Variants in CDH12 observed in about 807,000 individuals in gnomAD.
The protein encoded by CDH12 is cadherin 12, also known as cadherin-12.
In CDH12, 41 loss-of-function variants were observed where a neutral mutation model predicts 74.1. The ratio of observed to expected loss-of-function variants is 0.55; its 90% CI spans 0.43 to 0.72. The LOEUF (loss-of-function observed/expected upper bound fraction) is 0.72, where lower values mean the gene tolerates loss of function less well. Ranked by LOEUF, CDH12 falls within the 30% of genes least tolerant of loss-of-function variation. The pLI, the probability that CDH12 is intolerant of heterozygous loss-of-function variation, is 0.00. For synonymous variants in CDH12, 399 were observed against 355.0 expected, an observed-to-expected ratio of 1.12 and a Z score of -1.39; for missense variants, 945 against 977.2, an observed-to-expected ratio of 0.97 and a Z score of 0.44.
intron 3 of CDH12, among the ~76,000 whole-genome samples, chr5:22,340,252 T>C (rs571437742): frequency 9.2e-5 from 14 of 152,222 alleles, no homozygotes; most frequent in East Asian, 7.8e-4. Flanking sequence ...CTGGGCTGGG[T>C]GCCGTGGCTC....
chr5:22,283,022 A>T (rs1377105737), intron 3 of CDH12, among the ~76,000 whole-genome samples: 3 of 152,044 alleles, frequency 2.0e-5, no homozygotes, highest in African/African-American at 7.2e-5. Context: ...GGATTAAGAA[A>T]ATGTTACACA....
intron 6 of CDH12, among the ~76,000 whole-genome samples, chr5:21,875,940 T>C (rs111737947): frequency 7.0e-6 from 1 of 143,678 alleles, no homozygotes; most frequent in Non-Finnish European, 1.5e-5. Flanking sequence ...TCTCTCTCCA[T>C]GCTGGAGTGC....
At chr5:22,096,630 T>C (rs1038235660) in intron 4 of CDH12, among the ~76,000 whole-genome samples, 1 of 152,040 alleles carries the variant, frequency 6.6e-6, no homozygotes, top group African/African-American at 2.4e-5. Flanking sequence ...TGCCCAGCAA[T>C]TTCCTCTTTA....
At chr5:22,255,901 A>T (rs1237967242) in intron 3 of CDH12, among the ~76,000 whole-genome samples, 1 of 152,122 alleles carries the variant, frequency 6.6e-6, no homozygotes, top group Non-Finnish European at 1.5e-5. Flanking sequence ...AGAAAAAGTA[A>T]ATAGGTAACC....
chr5:22,617,927 A>T (rs1737770619), intron 1 of CDH12, among the ~76,000 whole-genome samples: 1 of 152,146 alleles, frequency 6.6e-6, no homozygotes, highest in South Asian at 2.1e-4. Flanking sequence ...GGTAATAACA[A>T]TAACTAATAT....
chr5:22,633,584 C>A (rs1326676491), intron 1 of CDH12, among the ~76,000 whole-genome samples: 1 of 152,056 alleles, frequency 6.6e-6, no homozygotes, highest in Non-Finnish European at 1.5e-5. Flanking sequence ...TGGGCCTCAT[C>A]CCATTTCTTC....
chr5:22,008,375 G>A (rs1365431895), intron 5 of CDH12, among the ~76,000 whole-genome samples: 6 of 151,844 alleles, frequency 4.0e-5, no homozygotes, highest in African/African-American at 1.5e-4. Flanking sequence ...GATTACAGGC[G>A]TCCACCACCA....
At chr5:22,126,017 C>T (rs2150281465) in intron 4 of CDH12, among the ~76,000 whole-genome samples, 2 of 138,404 alleles carry the variant, frequency 1.4e-5, no homozygotes, top group East Asian at 2.1e-4. Flanking sequence ...GGGACAAATT[C>T]TACAAACTGC....
intron 4 of CDH12, among the ~76,000 whole-genome samples, chr5:22,197,439 A>G (rs74475778): frequency 5.9e-5 from 9 of 152,122 alleles, no homozygotes; most frequent in African/African-American, 2.2e-4. Flanking sequence ...AGAGCGAGAC[A>G]CCGTCTCAAA....
intron 1 of CDH12, among the ~76,000 whole-genome samples, chr5:22,809,915 A>G (rs1749052039): frequency 6.6e-6 from 1 of 152,258 alleles, no homozygotes; most frequent in South Asian, 2.1e-4. Flanking sequence ...TACTAATTCA[A>G]GATTAATTCA....
chr5:22,098,341 C>T (rs987986558), intron 4 of CDH12, among the ~76,000 whole-genome samples: 15 of 152,140 alleles, frequency 9.9e-5, no homozygotes, highest in Non-Finnish European at 2.2e-4. Flanking sequence ...AACCCCAATC[C>T]CTTCTACAAA....
At chr5:21,898,479 G>A (rs1753226771) in intron 6 of CDH12, among the ~76,000 whole-genome samples, 1 of 151,976 alleles carries the variant, frequency 6.6e-6, no homozygotes. Context: ...GAGGCGGGCG[G>A]ATCAGGAGGT....
intron 6 of CDH12, among the ~76,000 whole-genome samples, chr5:21,924,947 A>G (rs1013068666): frequency 1.3e-5 from 2 of 152,238 alleles, no homozygotes; most frequent in Non-Finnish European, 2.9e-5. Context: ...AGCATATGCC[A>G]GTATATATCT....
chr5:22,512,259 T>C (rs1363917356), intron 1 of CDH12, among the ~76,000 whole-genome samples: 1 of 152,214 alleles, frequency 6.6e-6, no homozygotes, highest in Non-Finnish European at 1.5e-5. Flanking sequence ...AGATTCATTT[T>C]ATCAGTAAAG....
At chr5:22,246,651 G>A (rs1213298519) in intron 3 of CDH12, among the ~76,000 whole-genome samples, 1 of 152,080 alleles carries the variant, frequency 6.6e-6, no homozygotes, top group South Asian at 2.1e-4. Flanking sequence ...TCTACATTTT[G>A]GCTAATTACG....
At position 22,060,774 on chromosome 5, in the gene CDH12, G is replaced by T. The variant is rs180916572; in HGVS notation, c.231+17672C>A. On this transcript the variant is annotated intron_variant, in intron 5 of 14. Coordinates refer to ENST00000382254, the MANE Select transcript of CDH12 (RefSeq NM_004061.5). Reference sequence around the variant, plus strand: ...CAAACAACATTGAAAAATTAAGACTGTATCTTTTTCCAAAGCAAAGGGCCA... The same window carrying T: ...CAAACAACATTGAAAAATTAAGACTTTATCTTTTTCCAAAGCAAAGGGCCA... Among the ~76,000 whole-genome samples, 566 of 152,148 alleles carry T rather than the reference G, an allele frequency of 3.7e-3. 9 individuals carry two copies. Among genetic ancestry groups the T allele is most frequent in the African/African-American group, 0.013 (532 of 41,520 alleles).
intron 3 of CDH12, among the ~76,000 whole-genome samples, chr5:22,394,040 G>A (rs987681947): frequency 8.5e-5 from 13 of 152,078 alleles, no homozygotes; most frequent in African/African-American, 3.1e-4. Context: ...AAAGCAACCA[G>A]CATTTGATGA....
intron 1 of CDH12, among the ~76,000 whole-genome samples, chr5:22,696,616 T>C (rs1414422433): frequency 6.6e-6 from 1 of 152,170 alleles, no homozygotes; most frequent in Non-Finnish European, 1.5e-5. Flanking sequence ...TCAGTGGGTG[T>C]TTTTTATTCA....
intron 1 of CDH12, among the ~76,000 whole-genome samples, chr5:22,619,932 C>T (rs1395142582): frequency 6.6e-6 from 1 of 151,976 alleles, no homozygotes; most frequent in East Asian, 1.9e-4. Context: ...TTATTGTTTA[C>T]ATTCAAAATG....
Sources: gnomAD v4.1 joint callset for allele counts (sites outside exome capture counted in the v4.1 genomes callset) on GRCh38, gnomAD v4.1.1 for gene constraint, MANE v1.5 for transcripts, NCBI Gene and HGNC (gene_info 2026-07-23, HGNC 2026-07-21) for gene names.